ATP1A1: variants seen among roughly 807,000 people sequenced by gnomAD.
ATP1A1 encodes the protein sodium/potassium-transporting ATPase subunit alpha-1.
ATP1A1 carries 14 observed loss-of-function variants against 114.8 expected under a neutral mutation model. The observed-to-expected ratio is 0.12, with a 90% CI of 0.08 to 0.19. The LOEUF (loss-of-function observed/expected upper bound fraction) is 0.19, where lower values mean the gene tolerates loss of function less well. ATP1A1 is among the 10% of genes least tolerant of loss of function. The probability of loss-of-function intolerance (pLI) is 1.00; values close to 1 mark genes in which losing one functional copy is unlikely to be tolerated. For missense variants in ATP1A1, 524 were observed against 1,290.7 expected, an observed-to-expected ratio of 0.41 and a Z score of 9.10; for synonymous variants, 471 against 466.3, an observed-to-expected ratio of 1.01 and a Z score of -0.13.
intron 14 of ATP1A1, 23 bp downstream of exon 14, chr1:116,396,757 C>A: frequency 1.3e-6 from 2 of 1,549,642 alleles, no homozygotes; most frequent in South Asian, 1.2e-5. Context: ...GCTCAAATCA[C>A]AGTCTGCTGT....
At chr1:116,390,546 T>C in intron 9 of ATP1A1, 135 bp downstream of exon 9, 2 of 1,028,968 alleles carry the variant, frequency 1.9e-6, no homozygotes, top group Non-Finnish European at 2.8e-6. Context: ...GTTTTTTTTT[T>C]TTTTATCATT....
In ATP1A1 at chr1:116,373,370, TCCCACCC is replaced by T; in HGVS notation, c.-141_-135del. On this transcript the variant is annotated 5_prime_UTR_variant, in exon 1 of 23. Coordinates refer to ENST00000295598, the MANE Select transcript of ATP1A1 (RefSeq NM_000701.8). ...CATCGGCCCGAGCCGCCGGCCGCCC[TCCCACCC>T]TCCCGCCCCGCGGCAGCCCTAGCTC... The T allele has an allele frequency of 1.2e-5, 4 of 333,834 alleles. No homozygotes were observed. Among genetic ancestry groups the T allele is most frequent in the African/African-American group, 2.3e-5 (1 of 43,604 alleles). The allele number at this position is 333,834 out of a possible 1,614,324, so 20.7% of individuals were successfully genotyped here.
Position 116,398,863 on chromosome 1 carries a change from T to C in ATP1A1, c.2294-67T>C, listed in dbSNP as rs1245110787. 1.2e-6 allele frequency: 2 copies of C among 1,610,164 alleles called. No homozygotes were observed. The highest frequency in any genetic ancestry group is 1.3e-5 in the African/African-American group (1 of 74,808). On this transcript the variant is annotated intron_variant, in intron 16 of 22. Transcript: ENST00000295598. The surrounding 1 kb of genome is among the most constrained non-coding windows in gnomAD (Gnocchi z 6.1). The stretch of plus-strand genomic sequence containing the variant: ...ATTAGCATCCATTTCTGTATACTTC[T>C]TGGATATGTTCAGTTTCCAGTGTGC...
In ATP1A1 at chr1:116,401,934, G is replaced by C. The variant is rs1653516586; in HGVS notation, c.2951+279G>C. The C allele has an allele frequency of 2.4e-6, 1 of 424,164 alleles. No homozygotes were observed. Among genetic ancestry groups the C allele is most frequent in the African/African-American group, 2.0e-5 (1 of 49,062 alleles). 26.3% of individuals were successfully genotyped at this position (424,164 alleles called of 1,614,324 possible). On this transcript the variant is annotated intron_variant, in intron 21 of 22. Transcript: ENST00000295598. This position sits in a 1 kb window ranked among gnomAD's most constrained non-coding sequence, Gnocchi z 4.7. Reference sequence around the variant, plus strand: ...ACTGCTCAACAGCGAACTGCATTGAGCACTCAGGTCTGCCACAGCTGTAGT... The same window carrying C: ...ACTGCTCAACAGCGAACTGCATTGACCACTCAGGTCTGCCACAGCTGTAGT...
chr1:116,380,127 T>C (rs1651647141), intron 1 of ATP1A1, among the ~76,000 whole-genome samples: 1 of 152,202 alleles, frequency 6.6e-6, no homozygotes, highest in Admixed American at 6.5e-5. Context: ...GAAAATGCCT[T>C]CTCTAGGTTC....
At chr1:116,403,528 C>T (rs2101071737) in intron 21 of ATP1A1, among the ~76,000 whole-genome samples, 1 of 152,306 alleles carries the variant, frequency 6.6e-6, no homozygotes, top group East Asian at 1.9e-4. Context: ...GCTTCTTAAA[C>T]ACTTTAGAAA....
At position 116,388,445 on chromosome 1, in the gene ATP1A1, C is replaced by T; in HGVS notation, c.502-193C>T. ...TTCTTTTGAATGTAAACTCTGAATA[C>T]AGGCACACCATGTAACAGCAATATC... is the stretch of plus-strand genomic sequence containing the variant. On this transcript the variant is annotated intron_variant, in intron 5 of 22. Coordinates refer to ENST00000295598, the MANE Select transcript of ATP1A1 (RefSeq NM_000701.8). The surrounding 1 kb of genome is among the most constrained non-coding windows in gnomAD (Gnocchi z 5.6). 1.0e-6 allele frequency: 1 copy of T among 959,766 alleles called. No individual in the cohort carries two copies. Among genetic ancestry groups the T allele is most frequent in the Non-Finnish European group, 1.5e-6 (1 of 658,664 alleles). The allele number at this position is 959,766 out of a possible 1,614,324, so 59.5% of individuals were successfully genotyped here.
At position 116,388,776 on chromosome 1, in the gene ATP1A1, GCT is replaced by G. The variant is rs754448160; in HGVS notation, c.636+7_636+8del. 9 of 1,614,106 alleles carry G rather than the reference GCT, an allele frequency of 5.6e-6. No individual in the cohort carries two copies. Among genetic ancestry groups the G allele is most frequent in the Non-Finnish European group, 7.6e-6 (9 of 1,179,988 alleles). On this transcript the variant is annotated splice_donor_5th_base_variant and intron_variant, in intron 6 of 22. Coordinates refer to ENST00000295598, the MANE Select transcript of ATP1A1 (RefSeq NM_000701.8). This position sits in a 1 kb window ranked among gnomAD's most constrained non-coding sequence, Gnocchi z 5.6. ...CATATCTGCAAATGGCTGCAAGGTA[GCT>G]CTTTTATTTTAACAAACCTCATAGC...
intron 21 of ATP1A1, among the ~76,000 whole-genome samples, chr1:116,403,225 G>A (rs961338529): frequency 1.6e-4 from 25 of 152,168 alleles, no homozygotes; most frequent in Non-Finnish European, 1.6e-4. Flanking sequence ...GGAGACCACC[G>A]GAGTCCTGCC....
At position 116,395,206 on chromosome 1, in the gene ATP1A1, T is replaced by G; in HGVS notation, c.1757T>G (p.Val586Gly). ...VNFPIDNLCF[V>G]GLISMIDPPR... Reference sequence around the variant, plus strand: ...TTCCCTATCGATAATCTGTGCTTTGTTGGGCTCATCTCCATGATTGACCCT... The same window carrying G: ...TTCCCTATCGATAATCTGTGCTTTGGTGGGCTCATCTCCATGATTGACCCT... The change falls in exon 13 of 23, where the codon GTT (valine) becomes GGT (glycine). Residue 586 changes from valine to glycine, a missense_variant. Around this residue, in one of 8 missense-constraint regions of ATP1A1, gnomAD observed 143 missense variants for 259.3 expected, o/e 0.55. Transcript: ENST00000295598. The surrounding 1 kb of genome is among the most constrained non-coding windows in gnomAD (Gnocchi z 6.4). The G allele has an allele frequency of 6.2e-7, 1 of 1,614,198 alleles. No individual in the cohort carries two copies. Among genetic ancestry groups the G allele is most frequent in the South Asian group, 1.1e-5 (1 of 91,082 alleles).
intron 1 of ATP1A1, among the ~76,000 whole-genome samples, chr1:116,379,300 AT>A (rs1399696624): frequency 6.6e-6 from 1 of 152,198 alleles, no homozygotes; most frequent in Non-Finnish European, 1.5e-5. Context: ...GGTAAATTAT[AT>A]TCTCCAGGAT....
rs542290048 is a variant in ATP1A1 at position 116,382,072 on chromosome 1, GGCTGAA to G, written c.13-1939_13-1934del. ...CGCCTATAATCCCAGCTACTCAGGA[GGCTGAA>G]GCAGGGAATTGCTTGAACCCTTGGG... On this transcript the variant is annotated intron_variant, in intron 1 of 22. Coordinates refer to ENST00000295598, the MANE Select transcript of ATP1A1 (RefSeq NM_000701.8). Among the ~76,000 whole-genome samples the G allele has an allele frequency of 2.6e-4, 40 of 152,280 alleles. No individual in the cohort carries two copies. The South Asian group carries it at 6.2e-3, about 24-fold the overall frequency.
Position 116,384,251 on chromosome 1 carries a change from C to A in ATP1A1, c.123+127C>A. 1.3e-6 allele frequency: 1 copy of A among 753,300 alleles called. No homozygotes were observed. The highest frequency in any genetic ancestry group is 2.1e-6 in the Non-Finnish European group (1 of 469,510). The allele number at this position is 753,300 out of a possible 1,614,324, so 46.7% of individuals were successfully genotyped here. On this transcript the variant is annotated intron_variant, in intron 2 of 22. Coordinates refer to ENST00000295598, the MANE Select transcript of ATP1A1 (RefSeq NM_000701.8). The surrounding 1 kb of genome is among the most constrained non-coding windows in gnomAD (Gnocchi z 5.1). ...AAGAGATCATAGCAGCTGTACAGAT[C>A]TCATCTAGTCGTAGAGGTTAATGTT...
At position 116,389,447 on chromosome 1, in the gene ATP1A1, C is replaced by T. The variant is rs759405523; in HGVS notation, c.763C>T (p.Arg255Cys). ...FSTNCVEGTARGIVVYTGDRT... is the reference protein window; with the variant it reads ...FSTNCVEGTACGIVVYTGDRT... ...CTCCCCTTCTTTTTAAGGCACCGCA[C>T]GTGGTATTGTTGTCTACACTGGGGA... is the stretch of plus-strand genomic sequence containing the variant. The change falls in exon 8 of 23, where the codon CGT becomes TGT. Residue 255 changes from arginine (R) to cysteine (C), a missense_variant. This residue lies in a region of ATP1A1 where 141 missense variants were observed against 316.6 expected (regional missense o/e 0.45). Coordinates refer to ENST00000295598, the MANE Select transcript of ATP1A1 (RefSeq NM_000701.8). The surrounding 1 kb of genome is among the most constrained non-coding windows in gnomAD (Gnocchi z 6.9). 2 of 1,614,036 alleles carry T rather than the reference C, an allele frequency of 1.2e-6. No individual in the cohort carries two copies. Among genetic ancestry groups the T allele is most frequent in the Non-Finnish European group, 1.7e-6 (2 of 1,179,942 alleles).
chr1:116,388,817 C>G lies in ATP1A1; in HGVS notation c.636+45C>G, dbSNP rs767379314. ...AAACCTCATAGCTAGCTCTGCTGTT[C>G]GGGCAGCTTGATTTGAGGGGTACAG... On this transcript the variant is annotated intron_variant, in intron 6 of 22. Transcript: ENST00000295598. This position sits in a 1 kb window ranked among gnomAD's most constrained non-coding sequence, Gnocchi z 5.6. The G allele has an allele frequency of 1.9e-6, 3 of 1,612,598 alleles. No homozygotes were observed. The highest frequency in any genetic ancestry group is 3.3e-5 in the Admixed American group (2 of 59,910).
At chr1:116,375,694 T>A (rs1477456346) in intron 1 of ATP1A1, among the ~76,000 whole-genome samples, 1 of 152,224 alleles carries the variant, frequency 6.6e-6, no homozygotes, top group African/African-American at 2.4e-5. Flanking sequence ...TGTGACTTAT[T>A]GTGAGCGTCC....
chr1:116,390,359 C>T lies in ATP1A1; in HGVS notation c.1170C>T (p.His390=). ...TLTQNRMTVA[H]MWFDNQIHEA... is the part of the protein sequence containing the mutation. ...CTCAGAACCGGATGACAGTGGCCCA[C>T]ATGTGGTTTGACAATCAAATCCATG... Residue 390 remains histidine, a synonymous_variant, in exon 9 of 23, where the codon CAC becomes CAT. Coordinates refer to ENST00000295598, the MANE Select transcript of ATP1A1 (RefSeq NM_000701.8). 1 of 1,614,124 alleles carries T rather than the reference C, an allele frequency of 6.2e-7. No homozygotes were observed.
intron 21 of ATP1A1, among the ~76,000 whole-genome samples, chr1:116,403,503 A>C (rs1010893312): frequency 6.7e-6 from 1 of 149,492 alleles, no homozygotes; most frequent in African/African-American, 2.6e-5. Context: ...GATATTAGGC[A>C]GATGGTCTTA....
At position 116,395,129 on chromosome 1, in the gene ATP1A1, G is replaced by A. The variant is rs150589240; in HGVS notation, c.1680G>A (p.Leu560=). 2.5e-6 allele frequency: 4 copies of A among 1,613,646 alleles called. No homozygotes were observed. The African/African-American group carries it at 4.0e-5, about 16-fold the overall frequency. Residue 560 remains leucine (L), a synonymous_variant, in exon 13 of 23, where the codon CTG becomes CTA. Coordinates refer to ENST00000295598, the MANE Select transcript of ATP1A1 (RefSeq NM_000701.8). This position sits in a 1 kb window ranked among gnomAD's most constrained non-coding sequence, Gnocchi z 6.4. Reference sequence around the variant, plus strand: ...TCGCAGGTTTCTGCCACCTCTTTCTGCCAGATGAACAGTTTCCTGAAGGGT... The same window carrying A: ...TCGCAGGTTTCTGCCACCTCTTTCTACCAGATGAACAGTTTCCTGAAGGGT... ...ERVLGFCHLF[L]PDEQFPEGFQ...
Sources: gnomAD v4.1 joint callset for allele counts (sites outside exome capture counted in the v4.1 genomes callset) on GRCh38, gnomAD v4.1.1 for gene constraint, gnomAD v4.1.1 regional missense constraint, Gnocchi (gnomAD v3.1) non-coding constraint, MANE v1.5 for transcripts, NCBI Gene and HGNC (gene_info 2026-07-23, HGNC 2026-07-21) for gene names.